PRKAR1B: variants seen among roughly 807,000 people sequenced by gnomAD.
PRKAR1B encodes the protein protein kinase cAMP-dependent type I regulatory subunit beta.
Under a neutral mutation model 46.5 loss-of-function variants are expected in PRKAR1B, and 22 were observed. The observed-to-expected ratio is 0.47, with a 90% CI of 0.34 to 0.68. The LOEUF (loss-of-function observed/expected upper bound fraction) is 0.68, where lower values mean the gene tolerates loss of function less well. PRKAR1B is among the 30% of genes least tolerant of loss of function. The probability of loss-of-function intolerance (pLI) is 0.01; values close to 1 mark genes in which losing one functional copy is unlikely to be tolerated. For missense variants in PRKAR1B, 445 were observed against 535.6 expected (o/e 0.83, Z 1.67); for synonymous variants, 259 against 217.7 (o/e 1.19, Z -1.67).
chr7:728,125 T>C (rs1474408849), upstream of PRKAR1B, among the ~76,000 whole-genome samples: 1 of 152,176 alleles, frequency 6.6e-6, no homozygotes, highest in Non-Finnish European at 1.5e-5. Context: ...CCATCTTTTT[T>C]AGAGCTCTGA....
intron 4 of PRKAR1B, among the ~76,000 whole-genome samples, chr7:639,786 C>T (rs368599873): frequency 1.3e-5 from 2 of 151,834 alleles, no homozygotes; most frequent in Admixed American, 6.6e-5. Context: ...CCCAGGAATT[C>T]GAGGCTGCGG....
chr7:631,704 C>T (rs988970668), intron 4 of PRKAR1B, among the ~76,000 whole-genome samples: 4 of 152,130 alleles, frequency 2.6e-5, no homozygotes, highest in Admixed American at 1.3e-4. Context: ...CTGTCATCCC[C>T]GCACTTTGGG....
At chr7:553,881 G>A (rs933389042) in intron 9 of PRKAR1B, among the ~76,000 whole-genome samples, 2 of 152,260 alleles carry the variant, frequency 1.3e-5, no homozygotes, top group African/African-American at 4.8e-5. Context: ...GGCCTCTGCC[G>A]TGTTTATGAA....
At position 667,154 on chromosome 7, in the gene PRKAR1B, GATA is replaced by G. The variant is rs1785978957; in HGVS notation, c.440+10072_440+10074del. Among the ~76,000 whole-genome samples, 1 of 150,246 alleles carries G rather than the reference GATA, an allele frequency of 6.7e-6. No individual in the cohort carries two copies. The highest frequency in any genetic ancestry group is 1.5e-5 in the Non-Finnish European group (1 of 66,876). ...TGAGGATGGTGGTGGTGATGGTGAT[GATA>G]ATGATGGTGATGATGACAGTGATGA... is the stretch of plus-strand genomic sequence containing the variant. On this transcript the variant is annotated intron_variant, in intron 4 of 10. Transcript: ENST00000537384. This position sits in a 1 kb window ranked among gnomAD's most constrained non-coding sequence, Gnocchi z 4.3.
intron 9 of PRKAR1B, among the ~76,000 whole-genome samples, chr7:568,829 A>G (rs748695536): frequency 3.9e-5 from 6 of 152,226 alleles, no homozygotes; most frequent in Non-Finnish European, 8.8e-5. Flanking sequence ...CCTTGGAACC[A>G]GCCACTGCAT....
chr7:600,162 C>T (rs1399738220), intron 6 of PRKAR1B, among the ~76,000 whole-genome samples: 5 of 152,210 alleles, frequency 3.3e-5, no homozygotes, highest in East Asian at 1.9e-4. Flanking sequence ...TTAATGCCAC[C>T]GAACTGCACA....
intron 4 of PRKAR1B, among the ~76,000 whole-genome samples, chr7:636,767 C>A (rs1482428582): frequency 6.6e-6 from 1 of 152,208 alleles, no homozygotes; most frequent in African/African-American, 2.4e-5. Flanking sequence ...TCGGGTCCAT[C>A]TCTCTGTCTC....
chr7:558,625 C>T lies in PRKAR1B; in HGVS notation c.892-7155G>A, dbSNP rs568104275. On this transcript the variant is annotated intron_variant, in intron 9 of 10. Coordinates refer to ENST00000537384, the MANE Select transcript of PRKAR1B (RefSeq NM_001164760.2). The stretch of plus-strand genomic sequence containing the variant: ...ACAAAAATTAGCCAGGCGTGGTGCG[C>T]GCCTGTAATCCCAGCTACTGGGGAG... Among the ~76,000 whole-genome samples, 470 of 151,860 alleles carry T rather than the reference C, an allele frequency of 3.1e-3. 2 individuals carry two copies. The highest frequency in any genetic ancestry group is 0.011 in the African/African-American group (442 of 41,422).
intron 4 of PRKAR1B, among the ~76,000 whole-genome samples, chr7:664,024 T>G (rs1216563665): frequency 6.6e-6 from 1 of 152,094 alleles, no homozygotes; most frequent in African/African-American, 2.4e-5. Context: ...GTCACCAAAT[T>G]GCTGACAAGA....
chr7:551,029 A>G (rs71518308), intron 10 of PRKAR1B, among the ~76,000 whole-genome samples: 37,850 of 145,766 alleles, frequency 0.26, 5,330 homozygotes, highest in Admixed American at 0.4. Context: ...GCCCAGGTGC[A>G]CCCAGGTAGG....
At chr7:672,395 G>T (rs1005279672) in intron 4 of PRKAR1B, among the ~76,000 whole-genome samples, 1 of 151,542 alleles carries the variant, frequency 6.6e-6, no homozygotes, top group Non-Finnish European at 1.5e-5. Flanking sequence ...CAAGTGATCT[G>T]CCCACCTCAG....
chr7:689,112 GA>G (rs113646546), intron 2 of PRKAR1B, among the ~76,000 whole-genome samples: 28,747 of 151,110 alleles, frequency 0.19, 3,432 homozygotes, highest in African/African-American at 0.33. Flanking sequence ...GAACTAAAAA[GA>G]AAAAAAAATT....
chr7:594,585 G>A (rs2128455780), intron 7 of PRKAR1B, among the ~76,000 whole-genome samples: 1 of 152,238 alleles, frequency 6.6e-6, no homozygotes, highest in East Asian at 1.9e-4. Flanking sequence ...CCAGCGATGG[G>A]ACAGAAGGAG....
At chr7:672,316 T>C (rs1410972255) in intron 4 of PRKAR1B, among the ~76,000 whole-genome samples, 1 of 151,956 alleles carries the variant, frequency 6.6e-6, no homozygotes, top group Non-Finnish European at 1.5e-5. Flanking sequence ...GTGCTCAGCC[T>C]AATTTTTGTA....
At chr7:572,459 G>C (rs897064476) in intron 9 of PRKAR1B, among the ~76,000 whole-genome samples, 3 of 152,284 alleles carry the variant, frequency 2.0e-5, no homozygotes, top group African/African-American at 2.4e-5. Context: ...GGTTCCTGCA[G>C]CCTGGCCCTG....
intron 2 of PRKAR1B, among the ~76,000 whole-genome samples, chr7:693,608 C>G (rs1322481718): frequency 6.6e-6 from 1 of 152,222 alleles, no homozygotes; most frequent in Non-Finnish European, 1.5e-5. Context: ...GGCTGAGGGA[C>G]TTCCCTTGCG....
At chr7:674,208 T>C (rs1017167328) in intron 4 of PRKAR1B, among the ~76,000 whole-genome samples, 1 of 151,972 alleles carries the variant, frequency 6.6e-6, no homozygotes, top group Admixed American at 6.6e-5. Flanking sequence ...GCCCAGCTAC[T>C]CCAGCCACAC....
chr7:564,008 C>T (rs539149080), intron 9 of PRKAR1B, among the ~76,000 whole-genome samples: 1 of 152,242 alleles, frequency 6.6e-6, no homozygotes, highest in East Asian at 1.9e-4. Flanking sequence ...GCTCCAGCCT[C>T]CTCCATTGAC....
At chr7:697,984 C>T (rs1184845018) in intron 2 of PRKAR1B, among the ~76,000 whole-genome samples, 2 of 40,600 alleles carry the variant, frequency 4.9e-5, no homozygotes, top group Non-Finnish European at 8.8e-5. Context: ...GGGAAGGGAG[C>T]GGAGGGGAGT....
Sources: allele counts gnomAD v4.1 joint callset (sites outside exome capture counted in the v4.1 genomes callset), GRCh38; gene constraint gnomAD v4.1.1; non-coding constraint Gnocchi (gnomAD v3.1); transcripts MANE v1.5; gene names NCBI Gene and HGNC (gene_info 2026-07-23, HGNC 2026-07-21).